The following TMEM63C variants were observed in gnomAD, a reference collection of about 807,000 sequenced individuals.
TMEM63C encodes the protein osmosensitive cation channel TMEM63C.
A neutral mutation model predicts 99.2 loss-of-function variants in TMEM63C; 32 were observed. The ratio of observed to expected loss-of-function variants is 0.32; its 90% confidence interval spans 0.24 to 0.43. TMEM63C has a LOEUF of 0.43. Ranked by LOEUF, TMEM63C falls within the 20% of genes least tolerant of loss-of-function variation. The pLI, the probability that TMEM63C is intolerant of heterozygous loss-of-function variation, is 1.00. For synonymous variants in TMEM63C, 376 were observed against 397.9 expected, an observed-to-expected ratio of 0.94 and a Z score of 0.66; for missense variants, 826 against 1,053.0, an observed-to-expected ratio of 0.78 and a Z score of 2.98.
chr14:77,243,325 G>T (rs1328481447), intron 15 of TMEM63C, among the ~76,000 whole-genome samples: 3 of 152,172 alleles, frequency 2.0e-5, no homozygotes, highest in Non-Finnish European at 4.4e-5. Context: ...GAGTTGGAGG[G>T]GGTGTCGTCC....
chr14:77,249,215 G>A (rs1594869936), intron 20 of TMEM63C, 76 bp from the exon 21 acceptor site: 3 of 1,486,288 alleles, frequency 2.0e-6, no homozygotes, highest in East Asian at 4.5e-5. Context: ...GGCTTCTCAG[G>A]CCTGTGGAGA....
In TMEM63C at chr14:77,240,475, G is replaced by A. The variant is rs914144104; in HGVS notation, c.931G>A (p.Val311Met). The change falls in exon 13 of 24, where the codon GTG (valine) becomes ATG (methionine). Residue 311 changes from valine to methionine, a missense_variant and splice_region_variant. Transcript: ENST00000298351. ...FCKCWTCFKE[V>M]DAEQYYSELE... Reference sequence around the variant, plus strand: ...CCCTGAAGGCTGCCTGCCACCCCAGGTGGATGCAGAGCAGTATTACAGCGA... The same window carrying A: ...CCCTGAAGGCTGCCTGCCACCCCAGATGGATGCAGAGCAGTATTACAGCGA... The A allele has an allele frequency of 1.9e-6, 3 of 1,608,630 alleles. No individual in the cohort carries two copies. The highest frequency in any genetic ancestry group is 2.5e-6 in the Non-Finnish European group (3 of 1,179,518).
intron 1 of TMEM63C, among the ~76,000 whole-genome samples, chr14:77,188,865 A>G (rs1237692411): frequency 1.3e-5 from 2 of 148,836 alleles, no homozygotes; most frequent in Non-Finnish European, 3.0e-5. Flanking sequence ...AAAAAAAAAG[A>G]CAGACCTCAA....
chr14:77,241,226 C>T (rs1459825071), intron 13 of TMEM63C, among the ~76,000 whole-genome samples: 10 of 152,176 alleles, frequency 6.6e-5, no homozygotes, highest in Non-Finnish European at 1.2e-4. Flanking sequence ...GCTGGGATTA[C>T]AGGTGTGAGC....
intron 2 of TMEM63C, among the ~76,000 whole-genome samples, chr14:77,215,614 A>AAAAAAAAAAAAAAAAAG (rs772701077): frequency 6.5e-5 from 5 of 76,528 alleles, no homozygotes; most frequent in African/African-American, 2.8e-4. Flanking sequence ...AAAAAAAAAA[A>AAAAAAAAAAAAAAAAAG]AAAAGAAAAG....
chr14:77,211,583 G>A (rs1888498467), intron 1 of TMEM63C, among the ~76,000 whole-genome samples: 1 of 152,222 alleles, frequency 6.6e-6, no homozygotes, highest in South Asian at 2.1e-4. Flanking sequence ...GGGGAAGTGG[G>A]AAGCAAAGTG....
chr14:77,254,773 A>G (rs905208276), intron 23 of TMEM63C, among the ~76,000 whole-genome samples: 1 of 152,194 alleles, frequency 6.6e-6, no homozygotes, highest in Non-Finnish European at 1.5e-5. Context: ...ATCTTGCCTT[A>G]TTACCACAGG....
intron 1 of TMEM63C, among the ~76,000 whole-genome samples, chr14:77,191,544 T>C (rs796744461): frequency 6.0e-5 from 5 of 82,646 alleles, no homozygotes; most frequent in African/African-American, 1.9e-4. Context: ...TTTTCTTTTT[T>C]TTTTTTTTTT....
At chr14:77,224,743 G>A (rs933636549) in intron 5 of TMEM63C, among the ~76,000 whole-genome samples, 4 of 152,214 alleles carry the variant, frequency 2.6e-5, no homozygotes, top group South Asian at 2.1e-4. Context: ...ACCAAACCAC[G>A]CCAGGTTTCA....
In TMEM63C at chr14:77,239,801, C is replaced by T. The variant is rs774535969; in HGVS notation, c.930+75C>T. ...GGGCTCTAGGCTCTGTGCCTTTGCC[C>T]GCACTGTTGGGCCCCAGGCCTCACT... On this transcript the variant is annotated intron_variant, in intron 12 of 23. Transcript: ENST00000298351. The T allele has an allele frequency of 5.9e-4, 913 of 1,557,046 alleles. 3 individuals carry two copies. The highest frequency in any genetic ancestry group is 7.5e-4 in the Non-Finnish European group (860 of 1,151,494).
intron 5 of TMEM63C, among the ~76,000 whole-genome samples, chr14:77,222,817 T>C (rs971643931): frequency 2.0e-5 from 3 of 152,220 alleles, no homozygotes; most frequent in Non-Finnish European, 2.9e-5. Context: ...TCTTGTTATA[T>C]AGCCACAGAA....
At chr14:77,193,613 T>C (rs1194351968) in intron 1 of TMEM63C, among the ~76,000 whole-genome samples, 1 of 152,106 alleles carries the variant, frequency 6.6e-6, no homozygotes, top group African/African-American at 2.4e-5. Context: ...GGCGGGCGGA[T>C]CACCTGAGGT....
Position 77,215,144 on chromosome 14 carries a change from G to T in TMEM63C, c.-14+1636G>T, listed in dbSNP as rs556667199. Among the ~76,000 whole-genome samples, 7 of 152,152 alleles carry T rather than the reference G, an allele frequency of 4.6e-5. 1 individual carries two copies. The South Asian group carries it at 1.2e-3, about 27-fold the overall frequency. On this transcript the variant is annotated intron_variant, in intron 2 of 23. Transcript: ENST00000298351. ...AATTCAAGATCATGAGCCTCCACAG[G>T]CCCCATTGTTGCCTGGCAATCCTGC...
intron 13 of TMEM63C, among the ~76,000 whole-genome samples, chr14:77,241,266 C>A (rs1478617881): frequency 6.6e-6 from 1 of 152,116 alleles, no homozygotes; most frequent in African/African-American, 2.4e-5. Context: ...ACACATCACT[C>A]CCTCCTCACC....
chr14:77,221,443 T>A (rs1594858715), intron 5 of TMEM63C, among the ~76,000 whole-genome samples: 6 of 15,916 alleles, frequency 3.8e-4, no homozygotes, highest in African/African-American at 1.6e-3. Context: ...CCCACTCACC[T>A]CCCACTCACA....
intron 3 of TMEM63C, 103 bp downstream of exon 3, chr14:77,219,066 C>G: frequency 1.6e-6 from 2 of 1,280,088 alleles, no homozygotes; most frequent in Non-Finnish European, 2.1e-6. Flanking sequence ...TGGACAACAA[C>G]AACATTGATA....
At chr14:77,183,615 C>A (rs185603272) in intron 1 of TMEM63C, among the ~76,000 whole-genome samples, 2 of 152,110 alleles carry the variant, frequency 1.3e-5, no homozygotes, top group Non-Finnish European at 2.9e-5. Context: ...ATCTCCGGAT[C>A]GGGGGTTTGG....
chr14:77,189,276 A>AT (rs5809812), intron 1 of TMEM63C, among the ~76,000 whole-genome samples: 131,220 of 146,236 alleles, frequency 0.9, 59,738 homozygotes, highest in Middle Eastern at 0.98. Context: ...CACCCAGCTA[A>AT]TTTTTTTTTT....
chr14:77,249,269 A>G, intron 20 of TMEM63C, 22 bp from the exon 21 acceptor site: 1 of 1,611,968 alleles, frequency 6.2e-7, no homozygotes. Context: ...CCACTGAGTA[A>G]GTTTCCACCT....
Sources: gnomAD v4.1 joint callset for allele counts (sites outside exome capture counted in the v4.1 genomes callset) on GRCh38, gnomAD v4.1.1 for gene constraint, MANE v1.5 for transcripts, NCBI Gene and HGNC (gene_info 2026-07-23, HGNC 2026-07-21) for gene names.